Variants in CDH11 observed in about 807,000 individuals in gnomAD.
CDH11 encodes the protein cadherin-11.
Under a neutral mutation model 67.8 loss-of-function variants are expected in CDH11, and 11 were observed. That is an observed-to-expected ratio of 0.16 (90% CI 0.10 to 0.27). The LOEUF (loss-of-function observed/expected upper bound fraction) is 0.27. Ranked by LOEUF, CDH11 falls within the 10% of genes least tolerant of loss-of-function variation. The pLI is 1.00. For missense variants in CDH11, 847 were observed against 1,031.2 expected, an observed-to-expected ratio of 0.82 and a Z score of 2.45; for synonymous variants, 419 against 400.0, an observed-to-expected ratio of 1.05 and a Z score of -0.57.
intron 4 of CDH11, among the ~76,000 whole-genome samples, chr16:64,995,033 G>T (rs929418855): frequency 6.6e-6 from 1 of 152,074 alleles, no homozygotes; most frequent in Admixed American, 6.6e-5. Context: ...GGAGAATTTC[G>T]AAACACTGCT....
intron 1 of CDH11, among the ~76,000 whole-genome samples, chr16:65,106,365 A>G (rs2075065749): frequency 6.6e-6 from 1 of 152,342 alleles, no homozygotes; most frequent in East Asian, 1.9e-4. Flanking sequence ...AATACAAAAC[A>G]TAGAAACCTT....
intron 2 of CDH11, among the ~76,000 whole-genome samples, chr16:65,037,009 T>A (rs1258757447): frequency 6.6e-6 from 1 of 152,096 alleles, no homozygotes; most frequent in Non-Finnish European, 1.5e-5. Context: ...TACTCTAGCC[T>A]AAGGTTTCTG....
At position 64,950,991 on chromosome 16, in the gene CDH11, C is replaced by T. The variant is rs185190786; in HGVS notation, c.1670G>A (p.Arg557His). The T allele has an allele frequency of 1.2e-6, 2 of 1,614,028 alleles. No homozygotes were observed. The highest frequency in any genetic ancestry group is 2.2e-5 in the East Asian group (1 of 44,870). ...RDNTAGVYAR[R>H]GGFSRQKQDL... Reference sequence around the variant, plus strand: ...CTGCTTCTGCCGACTGAACCCTCCACGCCGGGCGTACACGCCTGCTGTGTT... The same window carrying T: ...CTGCTTCTGCCGACTGAACCCTCCATGCCGGGCGTACACGCCTGCTGTGTT... Residue 557 changes from arginine to histidine, a missense_variant, in exon 12 of 13, where the codon CGT becomes CAT. Coordinates refer to ENST00000268603, the MANE Select transcript of CDH11 (RefSeq NM_001797.4).
chr16:65,111,302 C>T (rs1173303599), intron 1 of CDH11, among the ~76,000 whole-genome samples: 3 of 152,160 alleles, frequency 2.0e-5, no homozygotes, highest in Non-Finnish European at 2.9e-5. Flanking sequence ...CAGATACTGA[C>T]ATTAACCCCA....
Position 65,015,586 on chromosome 16 carries a change from C to T in CDH11, c.-172-10545G>A, listed in dbSNP as rs192238526. Among the ~76,000 whole-genome samples the T allele has an allele frequency of 8.3e-3, 1,266 of 152,216 alleles. 14 individuals are homozygous for T. Among genetic ancestry groups the T allele is most frequent in the South Asian group, 0.011 (51 of 4,820 alleles). Reference sequence around the variant, plus strand: ...TTCCCTGATTTAAAAACAGTCCCCCCTTTAAACTATTTCTATGGAAACAAC... The same window carrying T: ...TTCCCTGATTTAAAAACAGTCCCCCTTTTAAACTATTTCTATGGAAACAAC... On this transcript the variant is annotated intron_variant, in intron 2 of 12. Coordinates refer to ENST00000268603, the MANE Select transcript of CDH11 (RefSeq NM_001797.4).
intron 1 of CDH11, among the ~76,000 whole-genome samples, chr16:65,101,523 A>T (rs753412093): frequency 1.3e-5 from 2 of 151,812 alleles, no homozygotes; most frequent in Non-Finnish European, 2.9e-5. Flanking sequence ...TTTCTTCCTC[A>T]TTTTTATTTT....
At chr16:65,095,233 G>A (rs2074868135) in intron 1 of CDH11, among the ~76,000 whole-genome samples, 1 of 151,998 alleles carries the variant, frequency 6.6e-6, no homozygotes, top group Non-Finnish European at 1.5e-5. Flanking sequence ...TACAAGCATT[G>A]GTGGCATACA....
At chr16:65,055,644 C>T (rs572102770) in intron 1 of CDH11, among the ~76,000 whole-genome samples, 4 of 152,242 alleles carry the variant, frequency 2.6e-5, no homozygotes, top group East Asian at 3.9e-4. Flanking sequence ...TAGTATCCTG[C>T]GTTTCACCCA....
chr16:65,117,788 TG>T (rs2075266452), intron 1 of CDH11, among the ~76,000 whole-genome samples: 1 of 152,186 alleles, frequency 6.6e-6, no homozygotes, highest in Admixed American at 6.5e-5. Context: ...CCCTTCCACT[TG>T]GAGTCAGAAA....
intron 2 of CDH11, among the ~76,000 whole-genome samples, chr16:65,032,000 A>G (rs577530644): frequency 3.0e-4 from 46 of 152,288 alleles, no homozygotes; most frequent in African/African-American, 1.1e-3. Flanking sequence ...ATTTACAAGG[A>G]TGTGCGATTG....
chr16:64,981,850 A>G, intron 8 of CDH11, 198 bp downstream of exon 8: 1 of 492,766 alleles, frequency 2.0e-6, no homozygotes, highest in East Asian at 3.2e-5. Flanking sequence ...TGTAGCTTGA[A>G]CAATCCTATC....
chr16:65,064,903 T>A lies in CDH11; in HGVS notation c.-297-10975A>T, dbSNP rs1183942921. Among the ~76,000 whole-genome samples, 4 of 152,272 alleles carry A rather than the reference T, an allele frequency of 2.6e-5. No homozygotes were observed. In the East Asian group the frequency reaches 7.7e-4, roughly 29 times the overall value. ...ATGACTGAGAGGTGAGGAACACGGA[T>A]CCATGGCACCACAATTATTTTATGG... On this transcript the variant is annotated intron_variant, in intron 1 of 12. Transcript: ENST00000268603.
At chr16:64,948,210 G>C (rs1328776744) in intron 12 of CDH11, 111 bp from the exon 13 acceptor site, 1 of 1,365,108 alleles carries the variant, frequency 7.3e-7, no homozygotes, top group East Asian at 2.3e-5. Context: ...GCTCAGAACA[G>C]GAAACAGTAT....
chr16:65,013,670 T>C (rs934350970), intron 2 of CDH11, among the ~76,000 whole-genome samples: 3 of 151,692 alleles, frequency 2.0e-5, no homozygotes, highest in Non-Finnish European at 2.9e-5. Context: ...TAAAAAAATA[T>C]ACAAAAATTA....
chr16:64,971,623 G>C lies in CDH11; in HGVS notation c.1598C>G (p.Pro533Arg). 1.9e-6 allele frequency: 3 copies of C among 1,613,598 alleles called. No individual in the cohort carries two copies. Among genetic ancestry groups the C allele is most frequent in the Non-Finnish European group, 2.5e-6 (3 of 1,179,734 alleles). ...GAAATTTGGATTGTGAATGATTTCA[G>C]GGGGTAGGCTGAAGATAAATCTTGG... ...NGPRFIFSLPPEIIHNPNFTV... is the reference protein window; with the variant it reads ...NGPRFIFSLPREIIHNPNFTV... The change falls in exon 11 of 13, where the codon CCT (proline) becomes CGT (arginine). Residue 533 changes from proline (P) to arginine (R), a missense_variant. Transcript: ENST00000268603.
intron 1 of CDH11, among the ~76,000 whole-genome samples, chr16:65,105,240 T>G (rs947695846): frequency 1.3e-5 from 2 of 152,224 alleles, no homozygotes; most frequent in East Asian, 3.8e-4. Flanking sequence ...GTTTTAGTGT[T>G]TGTGTTTTTG....
At chr16:65,070,097 T>C (rs994856695) in intron 1 of CDH11, among the ~76,000 whole-genome samples, 2 of 152,226 alleles carry the variant, frequency 1.3e-5, no homozygotes, top group Non-Finnish European at 2.9e-5. Context: ...ACTGTACGAT[T>C]GTGGCAAATC....
chr16:64,955,363 G>A (rs1179256648), intron 11 of CDH11, among the ~76,000 whole-genome samples: 1 of 152,156 alleles, frequency 6.6e-6, no homozygotes, highest in Non-Finnish European at 1.5e-5. Flanking sequence ...AACCTGGGAG[G>A]TGGAAGTTGC....
intron 11 of CDH11, among the ~76,000 whole-genome samples, chr16:64,964,678 A>C (rs2071761689): frequency 6.6e-6 from 1 of 152,024 alleles, no homozygotes; most frequent in Admixed American, 6.6e-5. Flanking sequence ...CCTCCCGAGT[A>C]GCTGGGACTA....
Sources: allele counts gnomAD v4.1 joint callset (sites outside exome capture counted in the v4.1 genomes callset), GRCh38; gene constraint gnomAD v4.1.1; transcripts MANE v1.5; gene names NCBI Gene and HGNC (gene_info 2026-07-23, HGNC 2026-07-21).